Variants in LEMD3 observed in about 807,000 individuals in gnomAD.
LEMD3 encodes LEM domain containing 3, also known as inner nuclear membrane protein Man1.
Under a neutral mutation model 95.2 loss-of-function variants are expected in LEMD3, and 33 were observed. The ratio of observed to expected loss-of-function variants is 0.35; its 90% CI spans 0.26 to 0.46. The LOEUF is 0.46. Ranked by LOEUF, LEMD3 falls within the 20% of genes least tolerant of loss-of-function variation. The pLI is 1.00. For missense variants in LEMD3, 1,210 were observed against 1,192.8 expected (o/e 1.01, Z -0.21); for synonymous variants, 525 against 474.6 (o/e 1.11, Z -1.38).
chr12:65,171,213 G>T, intron 1 of LEMD3, 95 bp downstream of exon 1: 1 of 1,579,240 alleles, frequency 6.3e-7, no homozygotes, highest in South Asian at 1.1e-5. Flanking sequence ...TGACTTACCT[G>T]CAAGAATATG....
In LEMD3 at chr12:65,171,156, ATGT is replaced by A. The variant is rs771107177; in HGVS notation, c.1522+43_1522+45del. 16 of 1,603,114 alleles carry A rather than the reference ATGT, an allele frequency of 1.0e-5. 1 individual carries two copies. In the South Asian group the frequency reaches 1.5e-4, roughly 15 times the overall value. ...TCCTGTGGGTAAGGTAACAAAGAGA[ATGT>A]TGTTAGTGGTCCGCTTTAGCCGCGC... On this transcript the variant is annotated intron_variant, in intron 1 of 12. Transcript: ENST00000308330.
intron 1 of LEMD3, among the ~76,000 whole-genome samples, chr12:65,172,304 C>T (rs1170657390): frequency 6.6e-6 from 1 of 152,172 alleles, no homozygotes; most frequent in Admixed American, 6.5e-5. Flanking sequence ...TCCCTGAAGG[C>T]TTCCTACTCT....
intron 2 of LEMD3, among the ~76,000 whole-genome samples, chr12:65,214,999 A>C (rs1425368507): frequency 6.6e-6 from 1 of 152,152 alleles, no homozygotes; most frequent in Non-Finnish European, 1.5e-5. Flanking sequence ...TACATTGTAC[A>C]TTCTGGCCCG....
intron 4 of LEMD3, among the ~76,000 whole-genome samples, chr12:65,235,556 A>C (rs953730009): frequency 2.0e-5 from 3 of 152,120 alleles, no homozygotes; most frequent in Non-Finnish European, 4.4e-5. Flanking sequence ...AAAAATACAG[A>C]TTTTAAAAAT....
chr12:65,217,700 TAAAAG>T (rs1267746145), intron 3 of LEMD3, among the ~76,000 whole-genome samples: 1 of 152,158 alleles, frequency 6.6e-6, no homozygotes, highest in Non-Finnish European at 1.5e-5. Context: ...TATCAACAAT[TAAAAG>T]AAAAGATAAA....
In LEMD3 at chr12:65,238,753, T is replaced by C. The variant is rs761499461; in HGVS notation, c.1860T>C (p.Phe620=). 1 of 1,614,066 alleles carries C rather than the reference T, an allele frequency of 6.2e-7. No homozygotes were observed. The highest frequency in any genetic ancestry group is 1.1e-5 in the South Asian group (1 of 91,082). The stretch of plus-strand genomic sequence containing the variant: ...AGTCCACAAGACCACTGATGTCTTT[T>C]TGGTGTCGTTTTCGACGTGCTTTTG... The part of the protein sequence containing the change: ...FLQSTRPLMS[F]WCRFRRAFVT... The change falls in exon 6 of 13, where the codon TTT becomes TTC. Residue 620 remains phenylalanine (F), a synonymous_variant. Coordinates refer to ENST00000308330, the MANE Select transcript of LEMD3 (RefSeq NM_014319.5).
At chr12:65,186,908 A>C (rs1869084634) in intron 1 of LEMD3, among the ~76,000 whole-genome samples, 1 of 152,070 alleles carries the variant, frequency 6.6e-6, no homozygotes, top group African/African-American at 2.4e-5. Flanking sequence ...AATTCTGCTA[A>C]GACCATATGC....
Position 65,227,260 on chromosome 12 carries a change from C to T in LEMD3, c.1695+8641C>T, listed in dbSNP as rs548917002. On this transcript the variant is annotated intron_variant, in intron 4 of 12. Transcript: ENST00000308330. Reference sequence around the variant, plus strand: ...TGGGTTTTCACTTCTAGTAGTAGGACTATCTTATCCCATTCAGTGTTTCTT... The same window carrying T: ...TGGGTTTTCACTTCTAGTAGTAGGATTATCTTATCCCATTCAGTGTTTCTT... Among the ~76,000 whole-genome samples the T allele has an allele frequency of 1.1e-4, 17 of 152,286 alleles. No individual in the cohort carries two copies. The East Asian group carries it at 3.3e-3, about 29-fold the overall frequency.
intron 4 of LEMD3, among the ~76,000 whole-genome samples, chr12:65,230,668 A>G (rs769490575): frequency 6.6e-6 from 1 of 152,134 alleles, no homozygotes; most frequent in Admixed American, 6.5e-5. Flanking sequence ...TGGAACTTTT[A>G]GAGTGTTCCA....
At position 65,207,177 on chromosome 12, in the gene LEMD3, A is replaced by G. The variant is rs534702577; in HGVS notation, c.1523-3749A>G. 5.3e-5 allele frequency among the ~76,000 whole-genome samples: 8 copies of G among 152,232 alleles called. No individual in the cohort carries two copies. In the South Asian group the frequency reaches 1.7e-3, roughly 32 times the overall value. ...GCGTATTAGGAACTCAGTAAACATA[A>G]TTTCCTTTTTATTCAACGGAGAGGG... is the stretch of plus-strand genomic sequence containing the variant. On this transcript the variant is annotated intron_variant, in intron 1 of 12. Coordinates refer to ENST00000308330, the MANE Select transcript of LEMD3 (RefSeq NM_014319.5).
chr12:65,171,057 A>G lies in LEMD3; in HGVS notation c.1461A>G (p.Ile487Met), dbSNP rs769281226. ...LLTAACLFFL[I>M]LGLTYLGMRG... The stretch of plus-strand genomic sequence containing the variant: ...CTGCTGCCTGCTTATTTTTCCTAAT[A>G]CTGGGACTGACTTACCTAGGAATGA... Residue 487 changes from isoleucine to methionine, a missense_variant, in exon 1 of 13, where the codon ATA becomes ATG. Ile to Met is a conservative substitution (Grantham distance 10). Around this residue, in one of 2 missense-constraint regions of LEMD3, gnomAD observed 461 missense variants for 569.8 expected, o/e 0.81. Coordinates refer to ENST00000308330, the MANE Select transcript of LEMD3 (RefSeq NM_014319.5). 3 of 1,614,108 alleles carry G rather than the reference A, an allele frequency of 1.9e-6. No individual in the cohort carries two copies. The highest frequency in any genetic ancestry group is 2.2e-5 in the South Asian group (2 of 91,088).
rs542256653 is a variant in LEMD3 at position 65,217,238 on chromosome 12, G to A, written c.1627+1195G>A. The stretch of plus-strand genomic sequence containing the variant: ...GCCTCTGTCACAACCACTCAGTTAT[G>A]TTATACCATGAAAGCAGCCATAAAT... On this transcript the variant is annotated intron_variant, in intron 3 of 12. Coordinates refer to ENST00000308330, the MANE Select transcript of LEMD3 (RefSeq NM_014319.5). Among the ~76,000 whole-genome samples the A allele has an allele frequency of 4.8e-4, 73 of 152,284 alleles. 1 individual carries two copies. The highest frequency in any genetic ancestry group is 1.9e-3 in the South Asian group (9 of 4,834).
intron 1 of LEMD3, among the ~76,000 whole-genome samples, chr12:65,190,117 A>G (rs1263828668): frequency 6.6e-6 from 1 of 152,184 alleles, no homozygotes; most frequent in Non-Finnish European, 1.5e-5. Flanking sequence ...TTTCCGGTCA[A>G]AAGCCTTGGT....
At chr12:65,233,583 C>T (rs1334937508) in intron 4 of LEMD3, among the ~76,000 whole-genome samples, 2 of 152,128 alleles carry the variant, frequency 1.3e-5, no homozygotes, top group Non-Finnish European at 2.9e-5. Context: ...CCATCTGATG[C>T]ATAGTGTAGA....
At chr12:65,225,106 G>C (rs892070486) in intron 4 of LEMD3, among the ~76,000 whole-genome samples, 1 of 151,934 alleles carries the variant, frequency 6.6e-6, no homozygotes, top group African/African-American at 2.4e-5. Flanking sequence ...CTGTCTCTTT[G>C]TTGATATTCT....
chr12:65,187,852 A>G (rs1869115550), intron 1 of LEMD3, among the ~76,000 whole-genome samples: 1 of 152,098 alleles, frequency 6.6e-6, no homozygotes, highest in Non-Finnish European at 1.5e-5. Context: ...CTGAGTTCTT[A>G]TCTTTGTATT....
intron 4 of LEMD3, among the ~76,000 whole-genome samples, chr12:65,231,038 A>G (rs1870611045): frequency 6.6e-6 from 1 of 152,122 alleles, no homozygotes; most frequent in Non-Finnish European, 1.5e-5. Flanking sequence ...TATGTTTCAT[A>G]TTCGGTTTTG....
intron 9 of LEMD3, among the ~76,000 whole-genome samples, chr12:65,242,697 C>T (rs999297832): frequency 5.3e-5 from 8 of 152,090 alleles, no homozygotes; most frequent in Admixed American, 1.3e-4. Context: ...CATCATTATC[C>T]TCTCCTTCTT....
At chr12:65,241,793 A>G (rs537717300) in intron 9 of LEMD3, among the ~76,000 whole-genome samples, 2 of 152,334 alleles carry the variant, frequency 1.3e-5, no homozygotes, top group Non-Finnish European at 2.9e-5. Flanking sequence ...TGGACATGCA[A>G]TACAAAGTCC....
Sources: allele counts gnomAD v4.1 joint callset (sites outside exome capture counted in the v4.1 genomes callset), GRCh38; gene constraint gnomAD v4.1.1; regional missense constraint gnomAD v4.1.1; transcripts MANE v1.5; gene names NCBI Gene and HGNC (gene_info 2026-07-23, HGNC 2026-07-21).